Variants in GABRB2 observed in about 807,000 individuals in gnomAD.
The protein encoded by GABRB2 is gamma-aminobutyric acid receptor subunit beta-2.
GABRB2 carries 16 observed loss-of-function variants against 54.7 expected under a neutral mutation model. The observed-to-expected ratio is 0.29, with a 90% CI of 0.20 to 0.44. GABRB2 has a LOEUF of 0.44. Ranked by LOEUF, GABRB2 falls within the 20% of genes least tolerant of loss-of-function variation. The probability of loss-of-function intolerance (pLI) is 1.00; values close to 1 mark genes in which losing one functional copy is unlikely to be tolerated. For missense variants in GABRB2, 355 were observed against 644.0 expected, an observed-to-expected ratio of 0.55 and a Z score of 4.86; for synonymous variants, 244 against 233.8, an observed-to-expected ratio of 1.04 and a Z score of -0.40.
chr5:161,309,593 A>G (rs1359856982), intron 9 of GABRB2, among the ~76,000 whole-genome samples: 1 of 152,078 alleles, frequency 6.6e-6, no homozygotes, highest in African/African-American at 2.4e-5. Flanking sequence ...AATAGCAAAG[A>G]CATGAAATCA....
intron 5 of GABRB2, among the ~76,000 whole-genome samples, chr5:161,366,777 C>T (rs1022698294): frequency 6.6e-6 from 1 of 152,132 alleles, no homozygotes; most frequent in Non-Finnish European, 1.5e-5. Context: ...AAAACCCCGT[C>T]TCTACTAATA....
chr5:161,296,398 T>A (rs1259290948), intron 9 of GABRB2, among the ~76,000 whole-genome samples: 1 of 152,182 alleles, frequency 6.6e-6, no homozygotes, highest in Non-Finnish European at 1.5e-5. Flanking sequence ...GATATTTGCT[T>A]CTCTACTGAG....
At chr5:161,382,296 A>G (rs1465811984) in intron 5 of GABRB2, among the ~76,000 whole-genome samples, 2 of 152,170 alleles carry the variant, frequency 1.3e-5, no homozygotes, top group Non-Finnish European at 2.9e-5. Flanking sequence ...ATGGACTAAG[A>G]AAGTATTTCA....
At chr5:161,372,802 G>A (rs1460767823) in intron 5 of GABRB2, among the ~76,000 whole-genome samples, 1 of 152,118 alleles carries the variant, frequency 6.6e-6, no homozygotes, top group African/African-American at 2.4e-5. Context: ...TAAAGGACCA[G>A]TTATGAAAGC....
chr5:161,365,052 T>C (rs1308629700), intron 5 of GABRB2, among the ~76,000 whole-genome samples: 1 of 152,144 alleles, frequency 6.6e-6, no homozygotes, highest in Non-Finnish European at 1.5e-5. Context: ...TTAAGACAAA[T>C]TAGTGGTACT....
chr5:161,406,987 T>A (rs1326849581), intron 5 of GABRB2, among the ~76,000 whole-genome samples: 2 of 152,102 alleles, frequency 1.3e-5, no homozygotes, highest in East Asian at 1.9e-4. Flanking sequence ...TCTGAGACAC[T>A]GACTCTGGCC....
At chr5:161,516,167 T>C (rs979700126) in intron 3 of GABRB2, among the ~76,000 whole-genome samples, 1 of 152,196 alleles carries the variant, frequency 6.6e-6, no homozygotes, top group Non-Finnish European at 1.5e-5. Flanking sequence ...AGAACCTAAA[T>C]AAATTAAAGA....
intron 9 of GABRB2, among the ~76,000 whole-genome samples, chr5:161,295,607 T>A (rs72811499): frequency 0.04 from 6,122 of 152,242 alleles, 173 homozygotes; most frequent in Non-Finnish European, 0.058. Context: ...GAAGATACAA[T>A]GCTCTGAGCT....
chr5:161,333,419 A>G (rs934297580), intron 7 of GABRB2, among the ~76,000 whole-genome samples: 3 of 152,216 alleles, frequency 2.0e-5, no homozygotes, highest in African/African-American at 7.2e-5. Context: ...CTGCAAGTGT[A>G]TATATCACAG....
chr5:161,411,926 T>A (rs1251007400), intron 4 of GABRB2, among the ~76,000 whole-genome samples: 1 of 152,116 alleles, frequency 6.6e-6, no homozygotes, highest in Non-Finnish European at 1.5e-5. Flanking sequence ...ATGAGTTCCA[T>A]TTTTTAGTAA....
Position 161,420,889 on chromosome 5 carries a change from C to A in GABRB2, c.459-9832G>T, listed in dbSNP as rs561149800. Among the ~76,000 whole-genome samples, 50 of 152,242 alleles carry A rather than the reference C, an allele frequency of 3.3e-4. No individual in the cohort carries two copies. The South Asian group carries it at 9.9e-3, about 30-fold the overall frequency. ...ATCAAAAAATTAGAACTCTTCCATT[C>A]CTGGGTCCTTTGTGTTGGGATTTTG... On this transcript the variant is annotated intron_variant, in intron 4 of 9. Transcript: ENST00000393959.
chr5:161,447,153 A>AG (rs1391885202), intron 4 of GABRB2, among the ~76,000 whole-genome samples: 1 of 152,174 alleles, frequency 6.6e-6, no homozygotes, highest in African/African-American at 2.4e-5. Context: ...CCTACAAGAT[A>AG]GGAACTATTA....
At chr5:161,510,104 A>G (rs1034738180) in intron 3 of GABRB2, among the ~76,000 whole-genome samples, 3 of 151,896 alleles carry the variant, frequency 2.0e-5, no homozygotes, top group African/African-American at 7.2e-5. Context: ...TATCCCCTCG[A>G]GCATTTATCC....
intron 9 of GABRB2, among the ~76,000 whole-genome samples, chr5:161,296,034 A>C (rs1398287978): frequency 6.6e-6 from 1 of 152,228 alleles, no homozygotes. Flanking sequence ...CAACTGATTC[A>C]TTGAATGCTC....
intron 3 of GABRB2, among the ~76,000 whole-genome samples, chr5:161,464,862 C>T (rs1205369266): frequency 1.3e-5 from 2 of 151,932 alleles, no homozygotes; most frequent in African/African-American, 2.4e-5. Flanking sequence ...AGATGAAGAA[C>T]AGATGAACGG....
At chr5:161,512,236 A>T (rs1302747689) in intron 3 of GABRB2, among the ~76,000 whole-genome samples, 1 of 152,004 alleles carries the variant, frequency 6.6e-6, no homozygotes, top group Non-Finnish European at 1.5e-5. Context: ...TATTTTTTTT[A>T]ATCTAAAATT....
chr5:161,322,936 T>C (rs1460156389), intron 9 of GABRB2, among the ~76,000 whole-genome samples: 2 of 152,194 alleles, frequency 1.3e-5, no homozygotes, highest in East Asian at 1.9e-4. Context: ...GAAAATATTT[T>C]GTTACAGGAA....
At chr5:161,497,939 G>T (rs1448969610) in intron 3 of GABRB2, among the ~76,000 whole-genome samples, 3 of 152,106 alleles carry the variant, frequency 2.0e-5, no homozygotes, top group Non-Finnish European at 2.9e-5. Context: ...CTTATTTGGG[G>T]TTTTTAACTC....
At chr5:161,496,051 C>T (rs1193229263) in intron 3 of GABRB2, among the ~76,000 whole-genome samples, 2 of 152,106 alleles carry the variant, frequency 1.3e-5, no homozygotes, top group African/African-American at 2.4e-5. Context: ...GTGACAAGAA[C>T]ATACCATCTC....
Sources: gnomAD v4.1 joint callset for allele counts (sites outside exome capture counted in the v4.1 genomes callset) on GRCh38, gnomAD v4.1.1 for gene constraint, MANE v1.5 for transcripts, NCBI Gene and HGNC (gene_info 2026-07-23, HGNC 2026-07-21) for gene names.